DGKI: variants seen among roughly 807,000 people sequenced by gnomAD.
DGKI encodes the protein diacylglycerol kinase iota.
In DGKI, 55 loss-of-function variants were observed where a neutral mutation model predicts 147.5. The observed-to-expected ratio is 0.37, with a 90% CI of 0.30 to 0.47. The LOEUF (loss-of-function observed/expected upper bound fraction) is 0.47, where lower values mean the gene tolerates loss of function less well. Ranked by LOEUF, DGKI falls within the 20% of genes least tolerant of loss-of-function variation. The pLI is 1.00. For missense variants in DGKI, 1,007 were observed against 1,323.8 expected (o/e 0.76, Z 3.71); for synonymous variants, 469 against 477.1 (o/e 0.98, Z 0.22).
intron 20 of DGKI, among the ~76,000 whole-genome samples, chr7:137,541,515 C>T (rs939741123): frequency 1.3e-5 from 2 of 151,844 alleles, no homozygotes; most frequent in Non-Finnish European, 2.9e-5. Context: ...AGGTTATATG[C>T]AAATACCCGT....
At chr7:137,690,750 G>C (rs1296223440) in intron 1 of DGKI, among the ~76,000 whole-genome samples, 5 of 152,124 alleles carry the variant, frequency 3.3e-5, no homozygotes, top group Admixed American at 6.6e-5. Context: ...GCAAAGAAAT[G>C]AAACAAGAGG....
chr7:137,661,910 T>C (rs746160401), intron 3 of DGKI, among the ~76,000 whole-genome samples: 2 of 152,192 alleles, frequency 1.3e-5, no homozygotes, highest in Non-Finnish European at 2.9e-5. Flanking sequence ...TCAGTAGGCA[T>C]TGTCTCTCTG....
At chr7:137,815,760 A>C (rs1330253519) in intron 1 of DGKI, among the ~76,000 whole-genome samples, 2 of 152,218 alleles carry the variant, frequency 1.3e-5, no homozygotes, top group East Asian at 3.8e-4. Flanking sequence ...CTGTAGGTAG[A>C]ACAGAGAGAG....
intron 1 of DGKI, among the ~76,000 whole-genome samples, chr7:137,811,786 C>T (rs1377022659): frequency 2.0e-5 from 3 of 152,112 alleles, no homozygotes; most frequent in African/African-American, 4.8e-5. Flanking sequence ...ATCATCTGTG[C>T]TAAATACTTA....
At chr7:137,427,650 C>G (rs921024639) in intron 28 of DGKI, among the ~76,000 whole-genome samples, 1 of 151,920 alleles carries the variant, frequency 6.6e-6, no homozygotes, top group Non-Finnish European at 1.5e-5. Flanking sequence ...TGATAGACCA[C>G]TAGCAAGACT....
chr7:137,471,230 A>G (rs1485559077), intron 23 of DGKI, among the ~76,000 whole-genome samples: 6 of 152,082 alleles, frequency 3.9e-5, no homozygotes, highest in African/African-American at 1.4e-4. Context: ...TGGGGAAGAC[A>G]CTGGGAGTCT....
At chr7:137,576,008 T>G (rs1472200065) in intron 17 of DGKI, among the ~76,000 whole-genome samples, 1 of 151,898 alleles carries the variant, frequency 6.6e-6, no homozygotes, top group East Asian at 1.9e-4. Context: ...TATTTTGTTC[T>G]GTTCTCTCTT....
chr7:137,434,244 C>G (rs1192605322), intron 28 of DGKI, among the ~76,000 whole-genome samples: 1 of 152,062 alleles, frequency 6.6e-6, no homozygotes, highest in Non-Finnish European at 1.5e-5. Flanking sequence ...TCTATAACCC[C>G]AAAAGCAACC....
chr7:137,505,129 G>GT (rs1816322206), intron 21 of DGKI, among the ~76,000 whole-genome samples: 1 of 147,492 alleles, frequency 6.8e-6, no homozygotes, highest in Non-Finnish European at 1.5e-5. Context: ...CTTTCTGGGG[G>GT]TGGGGGGATG....
At chr7:137,400,592 A>G (rs563329792) in intron 30 of DGKI, among the ~76,000 whole-genome samples, 1 of 152,290 alleles carries the variant, frequency 6.6e-6, no homozygotes, top group South Asian at 2.1e-4. Flanking sequence ...CACTACCCAG[A>G]ATTATTCCAG....
chr7:137,543,500 C>T (rs1024906760), intron 20 of DGKI, among the ~76,000 whole-genome samples: 7 of 151,970 alleles, frequency 4.6e-5, no homozygotes, highest in African/African-American at 1.5e-4. Context: ...ATTGTTACCA[C>T]CATGTACTCC....
intron 2 of DGKI, among the ~76,000 whole-genome samples, chr7:137,684,833 C>A (rs76163683): frequency 6.6e-6 from 1 of 152,076 alleles, no homozygotes; most frequent in African/African-American, 2.4e-5. Flanking sequence ...GACACTCAGA[C>A]CTGATGAAGA....
intron 1 of DGKI, among the ~76,000 whole-genome samples, chr7:137,825,751 T>C (rs1220163637): frequency 6.6e-6 from 1 of 152,054 alleles, no homozygotes; most frequent in African/African-American, 2.4e-5. Context: ...GGCAGTAGTA[T>C]TTTCTAACAT....
intron 28 of DGKI, among the ~76,000 whole-genome samples, chr7:137,437,875 AG>A (rs1813341442): frequency 6.6e-6 from 1 of 152,196 alleles, no homozygotes; most frequent in Admixed American, 6.5e-5. Context: ...AAAATGAAAT[AG>A]CTAGTTATGT....
chr7:137,469,497 T>G, intron 24 of DGKI, 53 bp downstream of exon 24: 1 of 1,582,300 alleles, frequency 6.3e-7, no homozygotes, highest in Non-Finnish European at 8.7e-7. Flanking sequence ...ATTGATGCCT[T>G]GCTCTTCAAC....
At chr7:137,600,011 C>G in intron 10 of DGKI, 106 bp from the exon 11 acceptor site, 1 of 959,550 alleles carries the variant, frequency 1.0e-6, no homozygotes. Flanking sequence ...ACACAGGGCA[C>G]GGTGGCACAC....
intron 28 of DGKI, among the ~76,000 whole-genome samples, chr7:137,421,608 G>C (rs1235256471): frequency 6.6e-6 from 1 of 152,154 alleles, no homozygotes; most frequent in Non-Finnish European, 1.5e-5. Flanking sequence ...ACTGGAATTG[G>C]CTATAAACAG....
chr7:137,728,576 C>G (rs1794778222), intron 1 of DGKI, among the ~76,000 whole-genome samples: 1 of 152,078 alleles, frequency 6.6e-6, no homozygotes, highest in Admixed American at 6.6e-5. Flanking sequence ...TGACATCAGG[C>G]TCACATAGCC....
chr7:137,727,902 C>T (rs1794758201), intron 1 of DGKI, among the ~76,000 whole-genome samples: 1 of 152,020 alleles, frequency 6.6e-6, no homozygotes, highest in Non-Finnish European at 1.5e-5. Context: ...ACAAATAATC[C>T]ATCGGAGCAG....
Sources: allele counts gnomAD v4.1 joint callset (sites outside exome capture counted in the v4.1 genomes callset), GRCh38; gene constraint gnomAD v4.1.1; transcripts MANE v1.5; gene names NCBI Gene and HGNC (gene_info 2026-07-23, HGNC 2026-07-21).